FAAH2: variants seen among roughly 807,000 people sequenced by gnomAD.
FAAH2 encodes the protein fatty-acid amide hydrolase 2.
Under a neutral mutation model 36.9 loss-of-function variants are expected in FAAH2, and 60 were observed. That is an observed-to-expected ratio of 1.63 (90% CI 1.32 to 2.02). The LOEUF is 2.02. Ranked by LOEUF, FAAH2 falls within the 30% of genes most tolerant of loss-of-function variation. The pLI is 0.00. For synonymous variants in FAAH2, 214 were observed against 143.8 expected (o/e 1.49, Z -3.49); for missense variants, 689 against 397.5 (o/e 1.73, Z -6.23).
chrX:57,218,777 C>A, the FAAH2 span, among the ~76,000 whole-genome samples: 1 of 111,671 alleles, frequency 9.0e-6, no homozygotes, highest in East Asian at 2.8e-4. Context: ...AGGATTGGTA[C>A]CAGTTCTTCC....
intron 1 of FAAH2, among the ~76,000 whole-genome samples, chrX:57,288,396 CT>C (rs1401753875): frequency 1.2e-5 from 1 of 80,072 alleles, no homozygotes; most frequent in Non-Finnish European, 2.2e-5. Flanking sequence ...GTCGCCTGGG[CT>C]GGAGTGCAGT....
At chrX:57,437,221 A>G (rs1034806051) in intron 8 of FAAH2, among the ~76,000 whole-genome samples, 1 of 111,175 alleles carries the variant, frequency 9.0e-6, no homozygotes, top group Non-Finnish European at 1.9e-5. Flanking sequence ...CATAAAATGA[A>G]CATATCTCAA....
chrX:57,289,360 G>A (rs956565115), intron 1 of FAAH2, among the ~76,000 whole-genome samples: 1 of 110,660 alleles, frequency 9.0e-6, no homozygotes, highest in Non-Finnish European at 1.9e-5. Flanking sequence ...TCAGAATTCA[G>A]GCTACCACTA....
chrX:57,223,515 C>T, the FAAH2 span, among the ~76,000 whole-genome samples: 1 of 111,445 alleles, frequency 9.0e-6, no homozygotes, highest in African/African-American at 3.3e-5. Flanking sequence ...CACTTGCCCT[C>T]ACCTTTCCAG....
At chrX:57,442,395 G>A (rs1370246182) in intron 8 of FAAH2, among the ~76,000 whole-genome samples, 1 of 111,263 alleles carries the variant, frequency 9.0e-6, no homozygotes, top group Admixed American at 9.6e-5. Context: ...ATCTTTGTTG[G>A]TTTAAAGTCT....
At chrX:57,478,117 T>A (rs1011199318) in intron 10 of FAAH2, among the ~76,000 whole-genome samples, 12 of 111,795 alleles carry the variant, frequency 1.1e-4, no homozygotes, top group Non-Finnish European at 1.9e-5. Flanking sequence ...AGTGTGAAAG[T>A]GTTCCTATTT....
intron 10 of FAAH2, among the ~76,000 whole-genome samples, chrX:57,482,885 C>T (rs1422582662): frequency 1.8e-5 from 2 of 109,739 alleles, no homozygotes; most frequent in Non-Finnish European, 3.8e-5. Context: ...CCACTCTTAG[C>T]CTGATTGGTT....
chrX:57,266,766 A>G, the FAAH2 span, among the ~76,000 whole-genome samples: 1 of 112,002 alleles, frequency 8.9e-6, no homozygotes, highest in Non-Finnish European at 1.9e-5. Flanking sequence ...TCTCTCTGGG[A>G]TGGAGGCTCC....
intron 5 of FAAH2, among the ~76,000 whole-genome samples, chrX:57,369,450 G>T (rs984557170): frequency 2.7e-5 from 3 of 111,248 alleles, no homozygotes; most frequent in African/African-American, 9.8e-5. Flanking sequence ...AAGACCTAAA[G>T]AATTATAAAA....
chrX:57,433,288 C>CT (rs1453543678), intron 8 of FAAH2, among the ~76,000 whole-genome samples: 1 of 110,260 alleles, frequency 9.1e-6, no homozygotes, highest in African/African-American at 3.3e-5. Context: ...CTGCTCTCCT[C>CT]TTACTTTTTT....
chrX:57,158,936 G>A, the FAAH2 span, among the ~76,000 whole-genome samples: 2 of 112,102 alleles, frequency 1.8e-5, no homozygotes, highest in South Asian at 3.7e-4. Flanking sequence ...TGTCCTGAAT[G>A]GTATTGCCTA....
At chrX:57,328,092 G>A (rs1023036779) in intron 3 of FAAH2, among the ~76,000 whole-genome samples, 73 of 112,254 alleles carry the variant, frequency 6.5e-4, no homozygotes, top group Middle Eastern at 9.3e-3. Flanking sequence ...GTTGGAGTTT[G>A]CTGGAGGTCC....
rs771556131 is a variant in FAAH2 at position 57,331,758 on chromosome X, C to T, written c.573C>T (p.Gly191=). Residue 191 remains glycine, a synonymous_variant, in exon 4 of 11, where the codon GGC becomes GGT. Transcript: ENST00000374900. The part of the protein sequence containing the change: ...MWYESSNKIY[G]RSNNPYDLQH... ...ATGAATCCAGTAACAAGATCTATGGCCGATCAAACAACCCATATGATTTAC... is the reference window on the plus strand; with the variant it reads ...ATGAATCCAGTAACAAGATCTATGGTCGATCAAACAACCCATATGATTTAC... 5.0e-6 allele frequency: 6 copies of T among 1,211,187 alleles called. No individual in the cohort carries two copies. The Admixed American group carries it at 1.3e-4, about 26-fold the overall frequency.
At chrX:57,202,348 G>A in the FAAH2 span, among the ~76,000 whole-genome samples, 20 of 111,983 alleles carry the variant, frequency 1.8e-4, no homozygotes, top group Admixed American at 5.7e-4. Flanking sequence ...GCTTTGTGGG[G>A]CACCCCAAGC....
chrX:57,340,143 C>T (rs12690371), intron 4 of FAAH2, among the ~76,000 whole-genome samples: 22 of 111,707 alleles, frequency 2.0e-4, no homozygotes, highest in East Asian at 1.1e-3. Flanking sequence ...TGTGTGAGTC[C>T]GAGCGTCCAA....
At chrX:57,479,632 A>C (rs1009747011) in intron 10 of FAAH2, among the ~76,000 whole-genome samples, 1 of 111,368 alleles carries the variant, frequency 9.0e-6, no homozygotes, top group Non-Finnish European at 1.9e-5. Context: ...TTTGTCATAG[A>C]TAGCTCTTAT....
At chrX:57,384,077 A>G (rs777537987) in intron 7 of FAAH2, among the ~76,000 whole-genome samples, 38 of 111,573 alleles carry the variant, frequency 3.4e-4, no homozygotes, top group African/African-American at 1.2e-3. Flanking sequence ...ATGGGGAAAC[A>G]ATTCCCTATT....
the FAAH2 span, among the ~76,000 whole-genome samples, chrX:57,279,006 G>A: frequency 8.9e-6 from 1 of 112,220 alleles, no homozygotes; most frequent in Admixed American, 9.5e-5. Flanking sequence ...ACTGTTAGGG[G>A]AGTGTGAATT....
At chrX:57,404,598 C>A (rs73626269) in intron 7 of FAAH2, among the ~76,000 whole-genome samples, 1,512 of 111,489 alleles carry the variant, frequency 0.014, 17 homozygotes, top group African/African-American at 0.047. Flanking sequence ...GACAAGACTC[C>A]CTGGGTTCAT....
Sources: allele counts gnomAD v4.1 joint callset (sites outside exome capture counted in the v4.1 genomes callset), GRCh38; gene constraint gnomAD v4.1.1; transcripts MANE v1.5; gene names NCBI Gene and HGNC (gene_info 2026-07-23, HGNC 2026-07-21).